BAZ2B: variants seen among roughly 807,000 people sequenced by gnomAD.
BAZ2B encodes bromodomain adjacent to zinc finger domain 2B, also known as bromodomain adjacent to zinc finger domain protein 2B.
A neutral mutation model predicts 246.0 loss-of-function variants in BAZ2B; 91 were observed. The ratio of observed to expected loss-of-function variants is 0.37; its 90% CI spans 0.31 to 0.44. The LOEUF (loss-of-function observed/expected upper bound fraction) is 0.44. BAZ2B is among the 20% of genes least tolerant of loss of function. The pLI, the probability that BAZ2B is intolerant of heterozygous loss-of-function variation, is 1.00. For missense variants in BAZ2B, 2,332 were observed against 2,533.7 expected (o/e 0.92, Z 1.71); for synonymous variants, 855 against 860.0 (o/e 0.99, Z 0.10).
intron 1 of BAZ2B, among the ~76,000 whole-genome samples, chr2:159,588,221 A>AAAG (rs1395445787): frequency 6.6e-6 from 1 of 151,680 alleles, no homozygotes. Flanking sequence ...CATCAAAAAA[A>AAAG]AAAAAAAAAA....
chr2:159,367,931 G>A (rs1198271519), intron 27 of BAZ2B, among the ~76,000 whole-genome samples: 1 of 152,060 alleles, frequency 6.6e-6, no homozygotes, highest in Non-Finnish European at 1.5e-5. Flanking sequence ...AATGTATATT[G>A]TTAATGTTGA....
the BAZ2B span, among the ~76,000 whole-genome samples, chr2:159,697,715 C>T: frequency 2.0e-5 from 3 of 152,010 alleles, no homozygotes; most frequent in Non-Finnish European, 4.4e-5. Context: ...AAATTACTAT[C>T]TTCTTAAATA....
chr2:159,470,258 G>A (rs60423754), intron 3 of BAZ2B, among the ~76,000 whole-genome samples: 41,286 of 152,152 alleles, frequency 0.27, 6,912 homozygotes, highest in Non-Finnish European at 0.38. Context: ...CATAATAAAA[G>A]ACTCTCAGCA....
At chr2:159,378,906 T>G (rs148263286) in intron 25 of BAZ2B, among the ~76,000 whole-genome samples, 400 of 152,210 alleles carry the variant, frequency 2.6e-3, no homozygotes, top group African/African-American at 9.2e-3. Flanking sequence ...TGTGGGATTG[T>G]AAAATAGTGT....
chr2:159,640,495 T>G, the BAZ2B span, among the ~76,000 whole-genome samples: 2 of 151,914 alleles, frequency 1.3e-5, no homozygotes, highest in African/African-American at 4.8e-5. Flanking sequence ...TGAAATAGTA[T>G]CAAATATATT....
chr2:159,373,316 G>C (rs2061053243), intron 26 of BAZ2B, 127 bp from the exon 27 acceptor site: 1 of 713,314 alleles, frequency 1.4e-6, no homozygotes, highest in African/African-American at 1.8e-5. Flanking sequence ...AAGAGCAAAA[G>C]GTCTAAATAT....
chr2:159,508,002 C>G (rs1460889961), intron 2 of BAZ2B, among the ~76,000 whole-genome samples: 1 of 152,300 alleles, frequency 6.6e-6, no homozygotes, highest in East Asian at 1.9e-4. Context: ...TCCCGATTAG[C>G]TGGGATTACA....
intron 2 of BAZ2B, among the ~76,000 whole-genome samples, chr2:159,515,527 T>G (rs1490727025): frequency 6.6e-6 from 1 of 152,134 alleles, no homozygotes; most frequent in African/African-American, 2.4e-5. Context: ...AATGTTTTCC[T>G]ATGTGCAGAG....
the BAZ2B span, chr2:159,712,280 C>T: frequency 6.6e-6 from 1 of 152,246 alleles, no homozygotes; most frequent in African/African-American, 2.4e-5. Flanking sequence ...AGCCCAGCTG[C>T]CGGCACGCCG....
the BAZ2B span, among the ~76,000 whole-genome samples, chr2:159,628,243 C>T: frequency 6.6e-6 from 1 of 152,158 alleles, no homozygotes; most frequent in African/African-American, 2.4e-5. Flanking sequence ...GGCCATACTG[C>T]CCAAAGTAAT....
At chr2:159,332,974 T>C (rs113493764) in intron 33 of BAZ2B, 1 of 248,504 alleles carries the variant, frequency 4.0e-6, no homozygotes, top group African/African-American at 2.2e-5. Flanking sequence ...CATTAACATA[T>C]GAAATAATTA....
intron 21 of BAZ2B, among the ~76,000 whole-genome samples, chr2:159,388,357 T>G (rs1377204765): frequency 6.6e-6 from 1 of 152,168 alleles, no homozygotes; most frequent in Non-Finnish European, 1.5e-5. Context: ...TTGCCAAGAT[T>G]ACAGCAATGT....
At chr2:159,624,053 C>A in the BAZ2B span, among the ~76,000 whole-genome samples, 8 of 152,298 alleles carry the variant, frequency 5.3e-5, no homozygotes, top group East Asian at 1.5e-3. Flanking sequence ...GTAGTTTTAT[C>A]CTCACAGTGT....
intron 20 of BAZ2B, among the ~76,000 whole-genome samples, chr2:159,393,384 G>A (rs769339329): frequency 2.6e-5 from 4 of 152,138 alleles, no homozygotes; most frequent in Non-Finnish European, 5.9e-5. Context: ...TAGGATTTAA[G>A]TCATTACTTT....
At position 159,405,136 on chromosome 2, in the gene BAZ2B, A is replaced by G. The variant is rs544648067; in HGVS notation, c.2678-22T>C. 2.5e-6 allele frequency: 4 copies of G among 1,607,612 alleles called. No individual in the cohort carries two copies. In the Admixed American group the frequency reaches 5.0e-5, roughly 20 times the overall value. ...ATTTCTGAAAAACACAAAATTTCAAAGAATATTAACAACTTTGTGTAACTA... is the reference window on the plus strand; with the variant it reads ...ATTTCTGAAAAACACAAAATTTCAAGGAATATTAACAACTTTGTGTAACTA... On this transcript the variant is annotated intron_variant, in intron 14 of 36. Transcript: ENST00000392783.
intron 1 of BAZ2B, among the ~76,000 whole-genome samples, chr2:159,575,249 C>T (rs938726684): frequency 3.5e-4 from 53 of 151,948 alleles, no homozygotes; most frequent in Admixed American, 3.2e-3. Context: ...TTGGACCTTC[C>T]CTCATTCATA....
chr2:159,635,070 T>A, the BAZ2B span, among the ~76,000 whole-genome samples: 173 of 152,266 alleles, frequency 1.1e-3, 1 homozygote, highest in African/African-American at 4.1e-3. Flanking sequence ...AAAGAAGACA[T>A]GTCAGCTGGA....
chr2:159,447,117 A>G (rs567320730), intron 5 of BAZ2B, 142 bp from the exon 6 acceptor site: 62 of 578,128 alleles, frequency 1.1e-4, no homozygotes, highest in Middle Eastern at 9.3e-4. Context: ...GTATGATTCC[A>G]TCTACATGAA....
intron 6 of BAZ2B, 67 bp from the exon 7 acceptor site, chr2:159,439,279 G>T: frequency 7.6e-7 from 1 of 1,315,776 alleles, no homozygotes; most frequent in Non-Finnish European, 1.1e-6. Context: ...AATAAAAGGT[G>T]TACTCTTTTT....
Sources: gnomAD v4.1 joint callset for allele counts (sites outside exome capture counted in the v4.1 genomes callset) on GRCh38, gnomAD v4.1.1 for gene constraint, MANE v1.5 for transcripts, NCBI Gene and HGNC (gene_info 2026-07-23, HGNC 2026-07-21) for gene names.